The following NBEA variants were observed in gnomAD, a reference collection of about 807,000 sequenced individuals.
NBEA encodes neurobeachin, also known as lysosomal-trafficking regulator 2.
Under a neutral mutation model 343.4 loss-of-function variants are expected in NBEA, and 44 were observed. The observed-to-expected ratio is 0.13, with a 90% CI of 0.10 to 0.16. NBEA has a LOEUF of 0.16. Ranked by LOEUF, NBEA falls within the 10% of genes least tolerant of loss-of-function variation. The probability of loss-of-function intolerance (pLI) is 1.00; values close to 1 mark genes in which losing one functional copy is unlikely to be tolerated. For synonymous variants in NBEA, 1,175 were observed against 1,238.7 expected, an observed-to-expected ratio of 0.95 and a Z score of 1.08; for missense variants, 2,555 against 3,631.3, an observed-to-expected ratio of 0.70 and a Z score of 7.62.
Position 35,042,402 on chromosome 13 carries a change from G to T in NBEA, c.526+1238G>T, listed in dbSNP as rs56012607. ...TACTTAATAGAAATTTATTAATATAGACTTACATGTACACATGTTTTATAG... is the reference window on the plus strand; with the variant it reads ...TACTTAATAGAAATTTATTAATATATACTTACATGTACACATGTTTTATAG... On this transcript the variant is annotated intron_variant, in intron 2 of 58. Coordinates refer to ENST00000379939, the MANE Select transcript of NBEA (RefSeq NM_001385012.1). Among the ~76,000 whole-genome samples the T allele has an allele frequency of 7.0e-3, 1,067 of 151,706 alleles. 22 individuals carry two copies. Among genetic ancestry groups the T allele is most frequent in the African/African-American group, 0.024 (1,007 of 41,460 alleles).
intron 28 of NBEA, among the ~76,000 whole-genome samples, chr13:35,177,378 T>G (rs1376179764): frequency 6.6e-6 from 1 of 151,878 alleles, no homozygotes; most frequent in African/African-American, 2.4e-5. Flanking sequence ...AACTTTATCT[T>G]GTATCAACTA....
At chr13:35,615,714 C>G (rs1054619853) in intron 48 of NBEA, among the ~76,000 whole-genome samples, 4 of 152,086 alleles carry the variant, frequency 2.6e-5, no homozygotes, top group African/African-American at 9.7e-5. Context: ...TTCACAGTCT[C>G]CAGGATAGGT....
chr13:35,191,871 A>G (rs2072221367), intron 30 of NBEA, among the ~76,000 whole-genome samples: 1 of 152,096 alleles, frequency 6.6e-6, no homozygotes, highest in African/African-American at 2.4e-5. Context: ...AAATCATGGT[A>G]AAACAGGATT....
chr13:35,117,536 A>G, intron 14 of NBEA, 43 bp downstream of exon 14: 1 of 967,288 alleles, frequency 1.0e-6, no homozygotes, highest in Non-Finnish European at 1.4e-6. Flanking sequence ...TATATTAGGT[A>G]GAAAGGAATT....
intron 41 of NBEA, among the ~76,000 whole-genome samples, chr13:35,497,621 C>G (rs117768234): frequency 0.029 from 4,384 of 152,066 alleles, 117 homozygotes; most frequent in Non-Finnish European, 0.046. Flanking sequence ...TCAGTCTTTT[C>G]TCTGTTTTGT....
chr13:35,458,730 T>C (rs189032501), intron 40 of NBEA, among the ~76,000 whole-genome samples: 4 of 152,290 alleles, frequency 2.6e-5, no homozygotes, highest in Admixed American at 2.6e-4. Flanking sequence ...CTAATCTTTA[T>C]TGCATTTCCA....
At chr13:34,997,329 A>G (rs2060974255) in intron 1 of NBEA, among the ~76,000 whole-genome samples, 1 of 152,212 alleles carries the variant, frequency 6.6e-6, no homozygotes, top group Non-Finnish European at 1.5e-5. Context: ...TGGGCTCTCC[A>G]TGAGGGAACA....
intron 1 of NBEA, among the ~76,000 whole-genome samples, chr13:34,970,890 T>C (rs556561847): frequency 6.6e-6 from 1 of 152,272 alleles, no homozygotes; most frequent in South Asian, 2.1e-4. Context: ...TTAAAAGTAG[T>C]TTTTTTCTGG....
intron 38 of NBEA, among the ~76,000 whole-genome samples, chr13:35,387,726 T>C (rs760133807): frequency 6.6e-6 from 1 of 151,678 alleles, no homozygotes; most frequent in South Asian, 2.1e-4. Flanking sequence ...GTATAATTAC[T>C]TTTTGCTAGG....
At chr13:35,615,795 G>C (rs1302049181) in intron 48 of NBEA, among the ~76,000 whole-genome samples, 1 of 152,186 alleles carries the variant, frequency 6.6e-6, no homozygotes, top group African/African-American at 2.4e-5. Context: ...TCCGAAGCCA[G>C]CTCCGTAGGG....
intron 36 of NBEA, among the ~76,000 whole-genome samples, chr13:35,347,073 CAT>C (rs537215803): frequency 3.7e-4 from 56 of 152,138 alleles, no homozygotes; most frequent in African/African-American, 1.3e-3. Flanking sequence ...ACCTCAAAGA[CAT>C]ATGTAGGCTT....
At chr13:35,668,276 G>A (rs2085449620) in intron 57 of NBEA, 92 bp from the exon 58 acceptor site, 2 of 1,295,180 alleles carry the variant, frequency 1.5e-6, no homozygotes, top group African/African-American at 1.5e-5. Context: ...AGTAGTGACA[G>A]TTGGCTATTT....
At chr13:35,352,076 C>G (rs1203031207) in intron 37 of NBEA, 81 bp from the exon 38 acceptor site, 1 of 832,164 alleles carries the variant, frequency 1.2e-6, no homozygotes, top group Non-Finnish European at 1.6e-6. Context: ...ATTCCTGTTA[C>G]CGTTTAACTT....
intron 1 of NBEA, among the ~76,000 whole-genome samples, chr13:34,968,479 A>G (rs1017062765): frequency 1.2e-4 from 18 of 152,184 alleles, no homozygotes; most frequent in Non-Finnish European, 2.1e-4. Context: ...ATCACCCAGG[A>G]CATTCTAAAG....
chr13:34,995,222 G>GC (rs2060897971), intron 1 of NBEA, among the ~76,000 whole-genome samples: 1 of 152,164 alleles, frequency 6.6e-6, no homozygotes, highest in South Asian at 2.1e-4. Context: ...GGAGGCCAAG[G>GC]CAGGAGGATC....
At chr13:35,012,284 G>A (rs947579150) in intron 1 of NBEA, among the ~76,000 whole-genome samples, 6 of 152,110 alleles carry the variant, frequency 3.9e-5, no homozygotes, top group Admixed American at 6.5e-5. Context: ...GAGAGCAAGA[G>A]GGGGCCTAAG....
rs182324378 is a variant in NBEA, at chr13:35,391,785, T to A, written c.6179+39462T>A. ...AACAAGTGAAATAAGGAAATTTACATGTATTAATTGAAAACTATCTCTGGC... is the reference window on the plus strand; with the variant it reads ...AACAAGTGAAATAAGGAAATTTACAAGTATTAATTGAAAACTATCTCTGGC... On this transcript the variant is annotated intron_variant, in intron 38 of 58. Transcript: ENST00000379939. Among the ~76,000 whole-genome samples the A allele has an allele frequency of 2.6e-3, 394 of 152,318 alleles. 3 individuals are homozygous for A. Among genetic ancestry groups the A allele is most frequent in the African/African-American group, 9.1e-3 (380 of 41,576 alleles).
At chr13:35,162,130 GATA>G (rs1159565600) in intron 23 of NBEA, among the ~76,000 whole-genome samples, 163 bp downstream of exon 23, 3 of 151,964 alleles carry the variant, frequency 2.0e-5, no homozygotes, top group Admixed American at 6.6e-5. Flanking sequence ...ATTTATTAGT[GATA>G]ATAATATATA....
At chr13:35,269,038 G>T in intron 34 of NBEA, among the ~76,000 whole-genome samples, 1 of 151,994 alleles carries the variant, frequency 6.6e-6, no homozygotes, top group Non-Finnish European at 1.5e-5. Context: ...TCAAGCAGAG[G>T]GTTAAAGATA....
Sources: gnomAD v4.1 joint callset for allele counts (sites outside exome capture counted in the v4.1 genomes callset) on GRCh38, gnomAD v4.1.1 for gene constraint, MANE v1.5 for transcripts, NCBI Gene and HGNC (gene_info 2026-07-23, HGNC 2026-07-21) for gene names.